Variants in PHACTR1 observed in about 807,000 individuals in gnomAD.
The protein encoded by PHACTR1 is phosphatase and actin regulator 1.
A neutral mutation model predicts 69.2 loss-of-function variants in PHACTR1; 16 were observed. The observed-to-expected ratio is 0.23, with a 90% CI of 0.16 to 0.35. The LOEUF (loss-of-function observed/expected upper bound fraction) is 0.35, where lower values mean the gene tolerates loss of function less well. PHACTR1 is among the 10% of genes least tolerant of loss of function. The pLI, the probability that PHACTR1 is intolerant of heterozygous loss-of-function variation, is 1.00. For synonymous variants in PHACTR1, 312 were observed against 284.5 expected (o/e 1.10, Z -0.97); for missense variants, 510 against 734.7 (o/e 0.69, Z 3.54).
intron 4 of PHACTR1, among the ~76,000 whole-genome samples, chr6:12,780,822 T>G (rs1770722927): frequency 6.6e-6 from 1 of 152,178 alleles, no homozygotes; most frequent in East Asian, 1.9e-4. Context: ...AATACTAGAG[T>G]GCAAACTGAC....
intron 4 of PHACTR1, among the ~76,000 whole-genome samples, chr6:12,774,991 C>A (rs73722823): frequency 6.6e-6 from 1 of 152,102 alleles, no homozygotes; most frequent in Admixed American, 6.5e-5. Flanking sequence ...TTTCCAAGGA[C>A]GTGTCCAACT....
chr6:12,762,763 T>C (rs1185420944), intron 4 of PHACTR1, among the ~76,000 whole-genome samples: 2 of 152,134 alleles, frequency 1.3e-5, no homozygotes, highest in African/African-American at 4.8e-5. Context: ...GATTAGAAAA[T>C]TCTTGTTTTT....
chr6:13,212,844 C>G (rs1043841612), intron 8 of PHACTR1, among the ~76,000 whole-genome samples: 5 of 152,194 alleles, frequency 3.3e-5, no homozygotes, highest in South Asian at 2.1e-4. Context: ...GGTCTCTACT[C>G]AAATGTCACA....
At chr6:12,893,932 A>G (rs1199099943) in intron 4 of PHACTR1, among the ~76,000 whole-genome samples, 3 of 152,204 alleles carry the variant, frequency 2.0e-5, no homozygotes, top group Non-Finnish European at 4.4e-5. Context: ...GAGCAGGGGC[A>G]AAGGAGACAA....
rs374222891 is a variant in PHACTR1, at chr6:13,127,776, G to A, written c.416-32428G>A. ...GTATTCTTGTTTGCCCTTTCTATCT[G>A]TAGTGGAAGCTGTAGTTGGCAGCAT... On this transcript the variant is annotated intron_variant, in intron 5 of 14. Coordinates refer to ENST00000332995, the MANE Select transcript of PHACTR1 (RefSeq NM_030948.6). 5.3e-5 allele frequency among the ~76,000 whole-genome samples: 8 copies of A among 152,228 alleles called. No homozygotes were observed. The East Asian group carries it at 1.5e-3, about 29-fold the overall frequency.
chr6:13,041,666 TATC>T (rs539130936), intron 4 of PHACTR1, among the ~76,000 whole-genome samples: 139 of 152,320 alleles, frequency 9.1e-4, no homozygotes, highest in African/African-American at 3.2e-3. Flanking sequence ...GAGTGGCTGT[TATC>T]ATGAGATTTT....
At chr6:12,849,154 A>G (rs1324327174) in intron 4 of PHACTR1, among the ~76,000 whole-genome samples, 1 of 152,136 alleles carries the variant, frequency 6.6e-6, no homozygotes. Context: ...CAGTTTTCCC[A>G]ACGTAAGAGC....
chr6:12,830,108 A>AGAAG (rs1561923701), intron 4 of PHACTR1, among the ~76,000 whole-genome samples: 1 of 32,232 alleles, frequency 3.1e-5, no homozygotes, highest in African/African-American at 5.2e-5. Flanking sequence ...AAAGAAAGAA[A>AGAAG]GAAAGAAAGA....
chr6:12,965,481 T>A (rs1398874802), intron 4 of PHACTR1, among the ~76,000 whole-genome samples: 3 of 144,516 alleles, frequency 2.1e-5, no homozygotes, highest in Non-Finnish European at 4.5e-5. Context: ...ATTTTGGTGC[T>A]TTTTGTTGGT....
chr6:12,945,051 G>A (rs1790524919), intron 4 of PHACTR1, among the ~76,000 whole-genome samples: 2 of 152,058 alleles, frequency 1.3e-5, no homozygotes, highest in African/African-American at 2.4e-5. Flanking sequence ...CAAAGTGCTG[G>A]GATTACAGGC....
intron 5 of PHACTR1, among the ~76,000 whole-genome samples, chr6:13,084,488 C>A (rs528566891): frequency 6.7e-6 from 1 of 149,816 alleles, no homozygotes; most frequent in East Asian, 2.0e-4. Context: ...CAAACCTGCA[C>A]GTTGTACACA....
At chr6:13,053,016 C>T (rs978340176) in intron 4 of PHACTR1, among the ~76,000 whole-genome samples, 9 of 152,138 alleles carry the variant, frequency 5.9e-5, no homozygotes, top group Admixed American at 2.0e-4. Context: ...GAGAAATTGC[C>T]GGACCAGTAG....
chr6:13,066,572 A>G (rs959019324), intron 5 of PHACTR1, among the ~76,000 whole-genome samples: 2 of 152,158 alleles, frequency 1.3e-5, no homozygotes, highest in Non-Finnish European at 2.9e-5. Flanking sequence ...CTGTGTTACA[A>G]AACCCCCTAA....
intron 4 of PHACTR1, among the ~76,000 whole-genome samples, chr6:12,982,316 C>A (rs1795617612): frequency 6.6e-6 from 1 of 152,196 alleles, no homozygotes; most frequent in Admixed American, 6.5e-5. Context: ...CTGCTTAGAA[C>A]CCTGTTTAGT....
intron 4 of PHACTR1, among the ~76,000 whole-genome samples, chr6:13,026,207 G>A (rs985805761): frequency 6.6e-6 from 1 of 152,170 alleles, no homozygotes; most frequent in African/African-American, 2.4e-5. Flanking sequence ...TTTTATTGCA[G>A]AAATCTAAGA....
chr6:12,855,223 G>A (rs1464511117), intron 4 of PHACTR1, among the ~76,000 whole-genome samples: 9 of 152,146 alleles, frequency 5.9e-5, no homozygotes, highest in South Asian at 4.1e-4. Context: ...CCAATTGGCC[G>A]GGTGCCATAG....
chr6:12,916,587 G>A (rs1320500565), intron 4 of PHACTR1, among the ~76,000 whole-genome samples: 1 of 149,208 alleles, frequency 6.7e-6, no homozygotes, highest in Non-Finnish European at 1.5e-5. Context: ...CTAGTACAGA[G>A]TAGGCATTCT....
intron 4 of PHACTR1, among the ~76,000 whole-genome samples, chr6:12,983,250 T>C (rs1795733932): frequency 6.6e-6 from 1 of 152,198 alleles, no homozygotes; most frequent in Admixed American, 6.5e-5. Flanking sequence ...TAAAGATAGG[T>C]CACTAACTAA....
At chr6:13,132,892 G>C (rs1348968869) in intron 5 of PHACTR1, among the ~76,000 whole-genome samples, 2 of 152,130 alleles carry the variant, frequency 1.3e-5, no homozygotes, top group Non-Finnish European at 2.9e-5. Flanking sequence ...AATGGAGCTT[G>C]TAGCATTGAT....
Sources: allele counts gnomAD v4.1 joint callset (sites outside exome capture counted in the v4.1 genomes callset), GRCh38; gene constraint gnomAD v4.1.1; transcripts MANE v1.5; gene names NCBI Gene and HGNC (gene_info 2026-07-23, HGNC 2026-07-21).